The following ACE variants were observed in gnomAD, a reference collection of about 807,000 sequenced individuals.
ACE encodes the protein angiotensin I converting enzyme.
In ACE, 122 loss-of-function variants were observed where a neutral mutation model predicts 162.3. The observed-to-expected ratio is 0.75, with a 90% CI of 0.65 to 0.87. The LOEUF is 0.87. Ranked by LOEUF, ACE falls within the 40% of genes least tolerant of loss-of-function variation. The probability of loss-of-function intolerance (pLI) is 0.00; values close to 1 mark genes in which losing one functional copy is unlikely to be tolerated. For synonymous variants in ACE, 796 were observed against 720.6 expected, an observed-to-expected ratio of 1.10 and a Z score of -1.68; for missense variants, 1,799 against 1,735.1, an observed-to-expected ratio of 1.04 and a Z score of -0.65.
At chr17:63,486,452 C>A in intron 13 of ACE, 105 bp from the exon 14 acceptor site, 2 of 1,270,282 alleles carry the variant, frequency 1.6e-6, no homozygotes, top group Non-Finnish European at 2.3e-6. Flanking sequence ...AATTCCACTG[C>A]CCCCTCACCA....
At position 63,487,047 on chromosome 17, in the gene ACE, A is replaced by G; in HGVS notation, c.2279A>G (p.Asn760Ser). 6.2e-7 allele frequency: 1 copy of G among 1,613,542 alleles called. No individual in the cohort carries two copies. Among genetic ancestry groups the G allele is most frequent in the Non-Finnish European group, 8.5e-7 (1 of 1,179,984 alleles). Reference sequence around the variant, plus strand: ...AGCGTGGCCACTGTGTGCCACCCGAATGGCAGCTGCCTGCAGCTCGAGCCA... The same window carrying G: ...AGCGTGGCCACTGTGTGCCACCCGAGTGGCAGCTGCCTGCAGCTCGAGCCA... ...TYSVATVCHP[N>S]GSCLQLEPDL... The change falls in exon 15 of 25, where the codon AAT becomes AGT. Residue 760 changes from asparagine to serine, a missense_variant. Transcript: ENST00000290866.
Position 63,483,567 on chromosome 17 carries a change from G to GCGGGGGCCCCCCCCCCC in ACE, c.1586+10_1586+11insGGGGGCCCCCCCCCCCC. 4 of 1,589,402 alleles carry GCGGGGGCCCCCCCCCCC rather than the reference G, an allele frequency of 2.5e-6. No homozygotes were observed. The highest frequency in any genetic ancestry group is 2.6e-6 in the Non-Finnish European group (3 of 1,165,572). On this transcript the variant is annotated intron_variant, in intron 10 of 24. Coordinates refer to ENST00000290866, the MANE Select transcript of ACE (RefSeq NM_000789.4). ...GTGACACCATACATCAGGTATTAGC[G>GCGGGGGCCCCCCCCCCC]CCCCCACCCCACCCACCCCCAGTAC... is the stretch of plus-strand genomic sequence containing the variant.
intron 13 of ACE, chr17:63,485,772 CAAA>C (rs781292581): frequency 2.8e-3 from 271 of 96,052 alleles, no homozygotes; most frequent in South Asian, 8.9e-3. Context: ...GAGACTCCAT[CAAA>C]AAAAAAAAAA....
chr17:63,488,387 GGAGA>G (rs1333247134), intron 15 of ACE, among the ~76,000 whole-genome samples: 1 of 147,604 alleles, frequency 6.8e-6, no homozygotes. Context: ...AAAAAGGAGA[GGAGA>G]GAGACTCAAG....
intron 23 of ACE, 137 bp from the exon 24 acceptor site, chr17:63,496,661 C>A: frequency 6.3e-7 from 1 of 1,575,158 alleles, no homozygotes; most frequent in Admixed American, 1.7e-5. Context: ...GGCCTGATTG[C>A]CATCTCCTTA....
chr17:63,495,409 G>C (rs1469859538), intron 22 of ACE, among the ~76,000 whole-genome samples: 1 of 152,176 alleles, frequency 6.6e-6, no homozygotes, highest in African/African-American at 2.4e-5. Context: ...GGCCTCCCGT[G>C]GTTCCTGGAA....
chr17:63,493,800 T>A, intron 20 of ACE, 122 bp from the exon 21 acceptor site: 1 of 1,528,910 alleles, frequency 6.5e-7, no homozygotes, highest in Non-Finnish European at 9.0e-7. Flanking sequence ...ACCCAGACCA[T>A]CCCAGGAGGC....
At position 63,495,239 on chromosome 17, in the gene ACE, C is replaced by T. The variant is rs528363247; in HGVS notation, c.3380+769C>T. Among the ~76,000 whole-genome samples, 6 of 152,304 alleles carry T rather than the reference C, an allele frequency of 3.9e-5. No individual in the cohort carries two copies. In the South Asian group the frequency reaches 1.2e-3, roughly 32 times the overall value. ...AATGCAGCCCCTCTCCTTCTGTGTG[C>T]CCCGGGAGAGCACTTGCTGAGGGCT... On this transcript the variant is annotated intron_variant, in intron 22 of 24. Transcript: ENST00000290866.
chr17:63,496,255 G>T, intron 22 of ACE, 139 bp from the exon 23 acceptor site: 1 of 1,285,898 alleles, frequency 7.8e-7, no homozygotes. Context: ...ATAGCTGTGG[G>T]CAGAGTTGGG....
Position 63,488,974 on chromosome 17 carries a change from T to C in ACE, c.2483T>C (p.Met828Thr), listed in dbSNP as rs13306091. 7.3e-4 allele frequency: 1,179 copies of C among 1,614,188 alleles called. 39 individuals carry two copies. The East Asian group carries it at 0.026, about 36-fold the overall frequency. Residue 828 changes from methionine (M) to threonine (T), a missense_variant, in exon 17 of 25, where the codon ATG becomes ACG. Coordinates refer to ENST00000290866, the MANE Select transcript of ACE (RefSeq NM_000789.4). Reference protein sequence around the residue: ...YVDAGDSWRSMYETPSLEQDL... With the variant: ...YVDAGDSWRSTYETPSLEQDL... ...GATGCAGGGGACTCGTGGAGGTCTA[T>C]GTACGAGACACCATCCCTGGAGCAA...
chr17:63,487,770 T>A (rs4336), intron 15 of ACE, among the ~76,000 whole-genome samples: 70,081 of 151,600 alleles, frequency 0.46, 16,398 homozygotes, highest in East Asian at 0.66. Context: ...AGGCATAAAC[T>A]TGCTTCCATG....
intron 17 of ACE, among the ~76,000 whole-genome samples, chr17:63,489,485 G>A (rs1359967501): frequency 6.6e-6 from 1 of 152,202 alleles, no homozygotes; most frequent in Non-Finnish European, 1.5e-5. Flanking sequence ...GAGGTGGCCT[G>A]TGAGCAGGGC....
chr17:63,485,146 A>T, intron 12 of ACE, 90 bp from the exon 13 acceptor site: 1 of 1,594,844 alleles, frequency 6.3e-7, no homozygotes. Context: ...GGTACAAGGG[A>T]GTGCGAGAGG....
chr17:63,493,379 C>T (rs1440202939), intron 19 of ACE, 57 bp from the exon 20 acceptor site: 1 of 1,543,304 alleles, frequency 6.5e-7, no homozygotes, highest in Non-Finnish European at 8.9e-7. Context: ...TTCCCTTATG[C>T]CCAGGGCTTC....
intron 15 of ACE, among the ~76,000 whole-genome samples, chr17:63,487,364 C>T (rs1311746959): frequency 6.6e-6 from 1 of 152,110 alleles, no homozygotes; most frequent in Non-Finnish European, 1.5e-5. Flanking sequence ...AGCGGGATCT[C>T]AAAGTTATAT....
In ACE at chr17:63,493,485, C is replaced by T; in HGVS notation, c.2962C>T (p.His988Tyr). 1 of 1,614,060 alleles carries T rather than the reference C, an allele frequency of 6.2e-7. No homozygotes were observed. Residue 988 changes from histidine (H) to tyrosine (Y), a missense_variant, in exon 20 of 25, where the codon CAC becomes TAC. By Grantham distance (83) the His-to-Tyr change is moderately conservative. Transcript: ENST00000290866. ...CTTGGAGGACCTGGTGGTGGCCCACCACGAAATGGGCCACATCCAGTATTT... is the reference window on the plus strand; with the variant it reads ...CTTGGAGGACCTGGTGGTGGCCCACTACGAAATGGGCCACATCCAGTATTT... ...VNLEDLVVAH[H>Y]EMGHIQYFMQ...
rs1225000412 is a variant in ACE, at chr17:63,488,809, A to G, written c.2449+18A>G. On this transcript the variant is annotated intron_variant, in intron 16 of 24. Coordinates refer to ENST00000290866, the MANE Select transcript of ACE (RefSeq NM_000789.4). ...GCTCAATGGTGAGTCCCTGCTGCCA[A>G]CATCACTGGCACTTGGGTCCCTTCA... is the stretch of plus-strand genomic sequence containing the variant. The G allele has an allele frequency of 6.2e-7, 1 of 1,613,948 alleles. No individual in the cohort carries two copies. The highest frequency in any genetic ancestry group is 2.2e-5 in the East Asian group (1 of 44,838).
chr17:63,480,543 T>G lies in ACE; in HGVS notation c.847+15T>G. ...TCATCTGCTGGGTAAGGACCTGGCCTCGCCTCCACATGAGTCCCACGGAAG... is the reference window on the plus strand; with the variant it reads ...TCATCTGCTGGGTAAGGACCTGGCCGCGCCTCCACATGAGTCCCACGGAAG... On this transcript the variant is annotated intron_variant, in intron 5 of 24. Coordinates refer to ENST00000290866, the MANE Select transcript of ACE (RefSeq NM_000789.4). 6.2e-7 allele frequency: 1 copy of G among 1,613,136 alleles called. No individual in the cohort carries two copies. The highest frequency in any genetic ancestry group is 2.2e-5 in the East Asian group (1 of 44,872).
At chr17:63,487,249 A>T (rs539748093) in intron 15 of ACE, among the ~76,000 whole-genome samples, 176 bp downstream of exon 15, 128 of 152,148 alleles carry the variant, frequency 8.4e-4, no homozygotes, top group South Asian at 4.4e-3. Flanking sequence ...GAGAGCCGGC[A>T]CCTACTTCAT....
Sources: allele counts gnomAD v4.1 joint callset (sites outside exome capture counted in the v4.1 genomes callset), GRCh38; gene constraint gnomAD v4.1.1; transcripts MANE v1.5; gene names NCBI Gene and HGNC (gene_info 2026-07-23, HGNC 2026-07-21).